RANBP2: variants seen among roughly 807,000 people sequenced by gnomAD.
RANBP2 encodes E3 SUMO-protein ligase RanBP2.
RANBP2 carries 57 observed loss-of-function variants against 303.6 expected under a neutral mutation model. The observed-to-expected ratio is 0.19, with a 90% CI of 0.15 to 0.23. The LOEUF (loss-of-function observed/expected upper bound fraction) is 0.23, where lower values mean the gene tolerates loss of function less well. RANBP2 is among the 10% of genes least tolerant of loss of function. The probability of loss-of-function intolerance (pLI) is 1.00; values close to 1 mark genes in which losing one functional copy is unlikely to be tolerated. For synonymous variants in RANBP2, 1,167 were observed against 1,301.5 expected (o/e 0.90, Z 2.23); for missense variants, 3,138 against 3,780.8 (o/e 0.83, Z 4.46).
chr2:109,252,416 C>T, the RANBP2 span, among the ~76,000 whole-genome samples: 1 of 152,184 alleles, frequency 6.6e-6, no homozygotes, highest in African/African-American at 2.4e-5. Context: ...GAAACTGCTT[C>T]CTCAGGCTTG....
the RANBP2 span, chr2:109,585,279 A>C: frequency 6.2e-7 from 1 of 1,611,184 alleles, no homozygotes; most frequent in Non-Finnish European, 8.5e-7. Flanking sequence ...ATTAGTATTA[A>C]ACAATGTGTC....
Position 108,764,962 on chromosome 2 carries a change from G to A in RANBP2, c.4423G>A (p.Val1475Ile). Residue 1475 changes from valine to isoleucine, a missense_variant, in exon 20 of 29, where the codon GTT becomes ATT. By Grantham distance (29) the Val-to-Ile change is conservative. This residue lies in a region of RANBP2 where 388 missense variants were observed against 328.5 expected (regional missense o/e 1.18). Coordinates refer to ENST00000283195, the MANE Select transcript of RANBP2 (RefSeq NM_006267.5). The stretch of plus-strand genomic sequence containing the variant: ...ACCTATTAACAGTGATTTCAGATCT[G>A]TTTTTTCTACAAAGGAAGGACAGTG... ...PKPINSDFRS[V>I]FSTKEGQWDC... The A allele has an allele frequency of 6.2e-7, 1 of 1,614,038 alleles. No individual in the cohort carries two copies. The highest frequency in any genetic ancestry group is 8.5e-7 in the Non-Finnish European group (1 of 1,179,962).
the RANBP2 span, among the ~76,000 whole-genome samples, chr2:109,276,840 A>G: frequency 1.1e-4 from 17 of 152,176 alleles, no homozygotes; most frequent in Non-Finnish European, 1.5e-4. Context: ...TATACAAACA[A>G]TATAGTTAAG....
the RANBP2 span, among the ~76,000 whole-genome samples, chr2:108,974,521 G>C: frequency 6.6e-6 from 1 of 151,572 alleles, no homozygotes; most frequent in African/African-American, 2.4e-5. Context: ...CACCAGGTCA[G>C]GAGTTGGAGA....
chr2:108,953,556 T>C, the RANBP2 span, among the ~76,000 whole-genome samples: 1 of 152,140 alleles, frequency 6.6e-6, no homozygotes, highest in African/African-American at 2.4e-5. Context: ...GTCCAATACC[T>C]GATGACAGTT....
At chr2:109,489,254 G>A in the RANBP2 span, among the ~76,000 whole-genome samples, 8 of 152,378 alleles carry the variant, frequency 5.3e-5, no homozygotes, top group African/African-American at 1.9e-4. Context: ...GGGTGATGGG[G>A]ATGGTCCCTT....
the RANBP2 span, among the ~76,000 whole-genome samples, chr2:109,485,211 T>C: frequency 8.0e-5 from 12 of 150,752 alleles, no homozygotes; most frequent in Non-Finnish European, 1.2e-4. Context: ...CAAAGAGAAT[T>C]AAGACGGGAA....
chr2:109,707,767 T>C, the RANBP2 span, among the ~76,000 whole-genome samples: 2 of 152,216 alleles, frequency 1.3e-5, no homozygotes, highest in African/African-American at 4.8e-5. Flanking sequence ...TGTTCAGAGC[T>C]CTTTAGTCTC....
chr2:109,031,310 C>T, the RANBP2 span, among the ~76,000 whole-genome samples: 13 of 152,096 alleles, frequency 8.5e-5, no homozygotes, highest in African/African-American at 3.1e-4. Context: ...GATGGGGGCT[C>T]TGATGTGGCA....
chr2:109,717,701 G>T, the RANBP2 span, among the ~76,000 whole-genome samples: 1 of 152,084 alleles, frequency 6.6e-6, no homozygotes, highest in Non-Finnish European at 1.5e-5. Flanking sequence ...ATCAATTGAG[G>T]CCAGGAGTTC....
chr2:108,946,646 G>A, the RANBP2 span, among the ~76,000 whole-genome samples: 46,271 of 152,052 alleles, frequency 0.3, 10,955 homozygotes, highest in East Asian at 0.95. Context: ...GCAAAGGGGA[G>A]GCAAAACACA....
At chr2:109,625,705 C>A in the RANBP2 span, among the ~76,000 whole-genome samples, 4 of 151,948 alleles carry the variant, frequency 2.6e-5, no homozygotes, top group Admixed American at 2.6e-4. Context: ...TGAAGTAGAG[C>A]CATATATGCC....
At chr2:109,567,674 A>T in the RANBP2 span, 1 of 784,008 alleles carries the variant, frequency 1.3e-6, no homozygotes, top group Non-Finnish European at 1.9e-6. Flanking sequence ...ACATTTTCTC[A>T]TACTGGACTT....
the RANBP2 span, among the ~76,000 whole-genome samples, chr2:109,389,833 C>G: frequency 6.6e-6 from 1 of 152,024 alleles, no homozygotes; most frequent in African/African-American, 2.4e-5. Context: ...TGGGGGTGCA[C>G]TGTCAGAGAA....
chr2:109,317,800 T>A, the RANBP2 span, among the ~76,000 whole-genome samples: 1 of 152,210 alleles, frequency 6.6e-6, no homozygotes, highest in Non-Finnish European at 1.5e-5. Context: ...TAACTGGGGA[T>A]GTATCCTAGG....
At chr2:109,091,359 T>C in the RANBP2 span, among the ~76,000 whole-genome samples, 2 of 152,224 alleles carry the variant, frequency 1.3e-5, no homozygotes, top group Non-Finnish European at 2.9e-5. Flanking sequence ...CTGCTCCCTC[T>C]GTTTTAGTCC....
chr2:109,274,397 G>C, the RANBP2 span, among the ~76,000 whole-genome samples: 73 of 152,324 alleles, frequency 4.8e-4, no homozygotes, highest in African/African-American at 1.4e-3. Context: ...GTCTATCAGT[G>C]GATGAGTGGA....
At chr2:109,219,483 G>A in the RANBP2 span, among the ~76,000 whole-genome samples, 1 of 151,964 alleles carries the variant, frequency 6.6e-6, no homozygotes, top group Non-Finnish European at 1.5e-5. Flanking sequence ...TAAATTATTG[G>A]CTTCCAAATT....
chr2:108,919,512 C>T, the RANBP2 span, among the ~76,000 whole-genome samples: 1,583 of 152,230 alleles, frequency 0.01, 25 homozygotes, highest in African/African-American at 0.036. Context: ...GCAGGCACCA[C>T]CACGCCCAGC....
Sources: allele counts gnomAD v4.1 joint callset (sites outside exome capture counted in the v4.1 genomes callset), GRCh38; gene constraint gnomAD v4.1.1; regional missense constraint gnomAD v4.1.1; transcripts MANE v1.5; gene names NCBI Gene and HGNC (gene_info 2026-07-23, HGNC 2026-07-21).